Variants in RBFOX1 observed in about 807,000 individuals in gnomAD.
RBFOX1 encodes the protein RNA binding fox-1 homolog 1.
Under a neutral mutation model 57.7 loss-of-function variants are expected in RBFOX1, and 8 were observed. The ratio of observed to expected loss-of-function variants is 0.14; its 90% CI spans 0.08 to 0.25. The LOEUF (loss-of-function observed/expected upper bound fraction) is 0.25, where lower values mean the gene tolerates loss of function less well. Among genes scored for constraint, RBFOX1 ranks in the 10% least tolerant of loss-of-function variants. The pLI, the probability that RBFOX1 is intolerant of heterozygous loss-of-function variation, is 1.00. For missense variants in RBFOX1, 611 were observed against 548.5 expected, an observed-to-expected ratio of 1.11 and a Z score of -1.14; for synonymous variants, 326 against 222.4, an observed-to-expected ratio of 1.47 and a Z score of -4.15.
At chr16:6,723,238 G>C (rs1213141885) in intron 3 of RBFOX1, among the ~76,000 whole-genome samples, 1 of 152,186 alleles carries the variant, frequency 6.6e-6, no homozygotes, top group African/African-American at 2.4e-5. Flanking sequence ...CACTAATACT[G>C]TGAGACTTTG....
chr16:7,378,021 T>G (rs2097716176), intron 4 of RBFOX1, among the ~76,000 whole-genome samples: 1 of 152,198 alleles, frequency 6.6e-6, no homozygotes, highest in African/African-American at 2.4e-5. Flanking sequence ...AAAGTTAGAA[T>G]AAGCTTGACA....
intron 1 of RBFOX1, among the ~76,000 whole-genome samples, chr16:6,274,600 A>C (rs1434378675): frequency 1.3e-5 from 2 of 152,146 alleles, no homozygotes. Context: ...GCAAATGGAA[A>C]AGTTCTGTAT....
intron 4 of RBFOX1, among the ~76,000 whole-genome samples, chr16:7,077,437 A>G (rs2058481527): frequency 6.6e-6 from 1 of 152,214 alleles, no homozygotes; most frequent in African/African-American, 2.4e-5. Context: ...TAGCATCAAA[A>G]GCACAGAGTC....
rs546577006 is a variant in RBFOX1, at chr16:7,043,214, C to G, written c.-15-8843C>G. Among the ~76,000 whole-genome samples, 6 of 152,170 alleles carry G rather than the reference C, an allele frequency of 3.9e-5. No individual in the cohort carries two copies. In the South Asian group the frequency reaches 8.3e-4, roughly 21 times the overall value. ...GATGTCTCCTCCACTGCTTCCCGTC[C>G]TTCAGCAGGCTGGGTTGGTGCATCT... On this transcript the variant is annotated intron_variant, in intron 3 of 15. Coordinates refer to ENST00000550418, the MANE Select transcript of RBFOX1 (RefSeq NM_018723.4).
intron 1 of RBFOX1, among the ~76,000 whole-genome samples, chr16:5,301,386 A>C (rs1475853362): frequency 6.6e-6 from 1 of 152,054 alleles, no homozygotes; most frequent in African/African-American, 2.4e-5. Context: ...TTGGGAGGCC[A>C]AGACGGGAGA....
intron 4 of RBFOX1, among the ~76,000 whole-genome samples, chr16:7,250,459 C>G (rs578130624): frequency 8.6e-5 from 13 of 151,708 alleles, no homozygotes; most frequent in African/African-American, 2.9e-4. Flanking sequence ...ACAAGAGTTT[C>G]CTGCTTCATC....
chr16:7,407,396 GTGTGTGTGTA>G (rs1035440291), intron 4 of RBFOX1, among the ~76,000 whole-genome samples: 7 of 150,598 alleles, frequency 4.6e-5, no homozygotes, highest in South Asian at 2.1e-4. Context: ...GTGTGTGTGT[GTGTGTGTGTA>G]TGTGTGTGGT....
upstream of RBFOX1, among the ~76,000 whole-genome samples, chr16:6,018,882 T>G (rs1453510438): frequency 2.0e-5 from 3 of 151,960 alleles, no homozygotes; most frequent in Non-Finnish European, 4.4e-5. Context: ...ACTTTCACCC[T>G]CTGTCCCCTT....
chr16:6,742,853 G>A (rs776863707), intron 3 of RBFOX1, among the ~76,000 whole-genome samples: 18 of 152,116 alleles, frequency 1.2e-4, no homozygotes, highest in Non-Finnish European at 2.2e-4. Context: ...GAACTATAAA[G>A]GTACAGCATG....
intron 3 of RBFOX1, among the ~76,000 whole-genome samples, chr16:5,620,196 A>G (rs918542080): frequency 3.9e-5 from 6 of 152,090 alleles, no homozygotes; most frequent in Admixed American, 6.6e-5. Flanking sequence ...TGCTCACATT[A>G]TCCCAGGATC....
chr16:6,435,115 C>T (rs911686484), intron 2 of RBFOX1, among the ~76,000 whole-genome samples: 2 of 152,156 alleles, frequency 1.3e-5, no homozygotes, highest in Non-Finnish European at 2.9e-5. Context: ...GTGTCTAGGA[C>T]CTCAAAGGAA....
upstream of RBFOX1, among the ~76,000 whole-genome samples, chr16:6,018,093 C>T (rs1452374082): frequency 6.6e-6 from 1 of 151,926 alleles, no homozygotes; most frequent in Non-Finnish European, 1.5e-5. Flanking sequence ...AATTACAACT[C>T]ACTGAACCTC....
chr16:6,925,124 T>A (rs2075314512), intron 3 of RBFOX1, among the ~76,000 whole-genome samples: 1 of 71,162 alleles, frequency 1.4e-5, no homozygotes, highest in Admixed American at 1.5e-4. Flanking sequence ...TTTTTTTTTT[T>A]TTTTTTTTTT....
At chr16:5,291,261 G>GT (rs71142610) in intron 1 of RBFOX1, among the ~76,000 whole-genome samples, 72,476 of 118,752 alleles carry the variant, frequency 0.61, 22,975 homozygotes, top group Non-Finnish European at 0.64. Flanking sequence ...TTTATCATTG[G>GT]TTTTTTTTTT....
At chr16:6,061,660 ATCTC>A (rs1258002442) in intron 1 of RBFOX1, among the ~76,000 whole-genome samples, 8 of 152,106 alleles carry the variant, frequency 5.3e-5, no homozygotes, top group African/African-American at 1.7e-4. Context: ...ATATAAATAA[ATCTC>A]TATGGATAAA....
intron 3 of RBFOX1, among the ~76,000 whole-genome samples, chr16:6,858,999 A>T (rs1457344458): frequency 6.6e-6 from 1 of 151,098 alleles, no homozygotes; most frequent in Non-Finnish European, 1.5e-5. Context: ...TTAGCTGACC[A>T]GGTCACAGGG....
At chr16:6,500,898 T>TTGTTTGTTTGTTTGTTTGTC (rs1567459911) in intron 2 of RBFOX1, among the ~76,000 whole-genome samples, 1 of 150,592 alleles carries the variant, frequency 6.6e-6, no homozygotes, top group African/African-American at 2.5e-5. Flanking sequence ...TTTTTTTTTT[T>TTGTTTGTTTGTTTGTTTGTC]TTTAATGCTG....
intron 3 of RBFOX1, among the ~76,000 whole-genome samples, chr16:6,777,037 A>G (rs1185750866): frequency 1.3e-5 from 2 of 152,208 alleles, no homozygotes; most frequent in Non-Finnish European, 2.9e-5. Context: ...TTGAAGGCAC[A>G]TTAATCTGAA....
chr16:5,313,320 C>T (rs937765031), intron 1 of RBFOX1, among the ~76,000 whole-genome samples: 1 of 152,116 alleles, frequency 6.6e-6, no homozygotes, highest in Non-Finnish European at 1.5e-5. Context: ...GACCAGGTGA[C>T]AAGACAGCTC....
Sources: allele counts gnomAD v4.1 joint callset (sites outside exome capture counted in the v4.1 genomes callset), GRCh38; gene constraint gnomAD v4.1.1; transcripts MANE v1.5; gene names NCBI Gene and HGNC (gene_info 2026-07-23, HGNC 2026-07-21).